ADGRB1: variants seen among roughly 807,000 people sequenced by gnomAD.
ADGRB1 encodes the protein adhesion G protein-coupled receptor B1, also known as brain-specific angiogenesis inhibitor 1.
Under a neutral mutation model 175.7 loss-of-function variants are expected in ADGRB1, and 36 were observed. That is an observed-to-expected ratio of 0.20 (90% confidence interval 0.16 to 0.27). ADGRB1 has a LOEUF of 0.27. ADGRB1 is among the 10% of genes least tolerant of loss of function. ADGRB1 has a pLI of 1.00. For missense variants in ADGRB1, 1,731 were observed against 2,255.3 expected, an observed-to-expected ratio of 0.77 and a Z score of 4.71; for synonymous variants, 1,054 against 979.4, an observed-to-expected ratio of 1.08 and a Z score of -1.42.
chr8:142,484,220 G>C (rs1281626536), intron 12 of ADGRB1, among the ~76,000 whole-genome samples, 175 bp downstream of exon 12: 1 of 152,242 alleles, frequency 6.6e-6, no homozygotes, highest in Non-Finnish European at 1.5e-5. Context: ...TTCCTAGCCT[G>C]TTTCCTCATT....
In ADGRB1 at chr8:142,510,426, C is replaced by T. The variant is rs1401609567; in HGVS notation, c.2676-506C>T. ...CAGCTCCAGCCGGCGCCCTGGGCCGCGGGGCCGGAGAGCTCCGGAGCGGAC... is the reference window on the plus strand; with the variant it reads ...CAGCTCCAGCCGGCGCCCTGGGCCGTGGGGCCGGAGAGCTCCGGAGCGGAC... On this transcript the variant is annotated intron_variant, in intron 17 of 30. Coordinates refer to ENST00000517894, the MANE Select transcript of ADGRB1 (RefSeq NM_001702.3). The surrounding 1 kb of genome is among the most constrained non-coding windows in gnomAD (Gnocchi z 6.3). Among the ~76,000 whole-genome samples the T allele has an allele frequency of 6.6e-6, 1 of 151,900 alleles. No individual in the cohort carries two copies. Among genetic ancestry groups the T allele is most frequent in the African/African-American group, 2.4e-5 (1 of 41,400 alleles).
At chr8:142,506,111 G>A (rs2132009998) in intron 17 of ADGRB1, among the ~76,000 whole-genome samples, 1 of 152,308 alleles carries the variant, frequency 6.6e-6, no homozygotes, top group South Asian at 2.1e-4. Flanking sequence ...GCACCTGGGC[G>A]ACCCCGAGGT....
Position 142,481,680 on chromosome 8 carries a change from C to A in ADGRB1, c.2099C>A (p.Ala700Glu). Residue 700 changes from alanine (A) to glutamate (E), a missense_variant, in exon 11 of 31, where the codon GCG becomes GAG. By Grantham distance (107) the Ala-to-Glu change is moderately radical. Coordinates refer to ENST00000517894, the MANE Select transcript of ADGRB1 (RefSeq NM_001702.3). ...LRNMTEIFRRAYYSPTPGDVQ... is the reference protein window; with the variant it reads ...LRNMTEIFRREYYSPTPGDVQ... ...AACATGACAGAGATTTTCCGGAGAGCGTACTACAGCCCCACCCCTGGGGAC... is the reference window on the plus strand; with the variant it reads ...AACATGACAGAGATTTTCCGGAGAGAGTACTACAGCCCCACCCCTGGGGAC... The A allele has an allele frequency of 6.3e-7, 1 of 1,596,832 alleles. No homozygotes were observed. The highest frequency in any genetic ancestry group is 8.6e-7 in the Non-Finnish European group (1 of 1,169,378).
Position 142,477,549 on chromosome 8 carries a change from G to A in ADGRB1, c.1387G>A (p.Gly463Ser). 6.2e-7 allele frequency: 1 copy of A among 1,610,832 alleles called. No individual in the cohort carries two copies. The highest frequency in any genetic ancestry group is 8.5e-7 in the Non-Finnish European group (1 of 1,178,032). The change falls in exon 6 of 31, where the codon GGC becomes AGC. Residue 463 changes from glycine to serine, a missense_variant and splice_region_variant. Gly to Ser is a moderately conservative substitution (Grantham distance 56, BLOSUM62 0). This residue lies in a region of ADGRB1 where 388 missense variants were observed against 630.9 expected (regional missense o/e 0.61). Transcript: ENST00000517894. ...TKFCNIALCPGRAVDGNWNEW... is the reference protein window; with the variant it reads ...TKFCNIALCPSRAVDGNWNEW... ...GTTCTGCAACATTGCCCTGTGCCCTGGTAGGTGAGAGGGAGGGCGTAGGGG... is the reference window on the plus strand; with the variant it reads ...GTTCTGCAACATTGCCCTGTGCCCTAGTAGGTGAGAGGGAGGGCGTAGGGG...
chr8:142,518,475 G>A (rs572658367), intron 19 of ADGRB1, among the ~76,000 whole-genome samples: 3 of 152,276 alleles, frequency 2.0e-5, no homozygotes, highest in Non-Finnish European at 2.9e-5. Flanking sequence ...AAACACAGGG[G>A]GTGGGGCCTG....
At chr8:142,477,056 C>G in intron 4 of ADGRB1, 58 bp from the exon 5 acceptor site, 3 of 1,453,970 alleles carry the variant, frequency 2.1e-6, no homozygotes, top group Non-Finnish European at 2.7e-6. Flanking sequence ...GGGTCTGGCC[C>G]CGGTCTGACT....
chr8:142,453,054 T>TCGCC (rs1383176658), intron 1 of ADGRB1, among the ~76,000 whole-genome samples: 10 of 120,422 alleles, frequency 8.3e-5, no homozygotes, highest in Admixed American at 7.2e-4. Flanking sequence ...GCTCGCTCGC[T>TCGCC]CGCTCGCCGT....
chr8:142,480,115 G>A (rs561441570), intron 9 of ADGRB1, among the ~76,000 whole-genome samples: 6 of 152,326 alleles, frequency 3.9e-5, no homozygotes, highest in East Asian at 1.9e-4. Context: ...GCCCTTGCCC[G>A]GGGCTTGCGG....
intron 24 of ADGRB1, among the ~76,000 whole-genome samples, chr8:142,529,202 ATGTG>A (rs541546406): frequency 1.3e-5 from 2 of 152,270 alleles, no homozygotes; most frequent in Middle Eastern, 3.4e-3. Flanking sequence ...AGGTGTGTGC[ATGTG>A]TGTGAGTGTG....
rs1480331548 is a variant in ADGRB1 at position 142,488,451 on chromosome 8, A to C, written c.2396A>C (p.Lys799Thr). 1 of 1,613,114 alleles carries C rather than the reference A, an allele frequency of 6.2e-7. No individual in the cohort carries two copies. The highest frequency in any genetic ancestry group is 8.5e-7 in the Non-Finnish European group (1 of 1,179,840). Reference protein sequence around the residue: ...KGWRATGDWAKVPEDRVTVSK... With the variant: ...KGWRATGDWATVPEDRVTVSK... ...TGGCGGGCCACGGGTGACTGGGCCA[A>C]GGTGCCAGAGGACAGGGTCACTGTG... Residue 799 changes from lysine to threonine, a missense_variant, in exon 14 of 31, where the codon AAG (lysine) becomes ACG (threonine). Lys to Thr is a moderately conservative substitution (Grantham distance 78, BLOSUM62 -1). Coordinates refer to ENST00000517894, the MANE Select transcript of ADGRB1 (RefSeq NM_001702.3).
At chr8:142,540,913 G>A (rs1484615791) in intron 27 of ADGRB1, among the ~76,000 whole-genome samples, 1 of 152,094 alleles carries the variant, frequency 6.6e-6, no homozygotes, top group East Asian at 1.9e-4. Flanking sequence ...GAGCTCTGAG[G>A]GGGACGGGGA....
chr8:142,494,214 T>G (rs189827235), intron 17 of ADGRB1, among the ~76,000 whole-genome samples: 2 of 151,768 alleles, frequency 1.3e-5, no homozygotes, highest in Admixed American at 6.6e-5. Context: ...TCAGACTGAG[T>G]TTTTACCCTG....
Position 142,537,749 on chromosome 8 carries a change from C to T in ADGRB1, c.3666+667C>T, listed in dbSNP as rs1845023081. 6.6e-6 allele frequency among the ~76,000 whole-genome samples: 1 copy of T among 152,184 alleles called. No individual in the cohort carries two copies. Among genetic ancestry groups the T allele is most frequent in the South Asian group, 2.1e-4 (1 of 4,836 alleles). ...CAGCACAGCGTTCCCACGACACGCA[C>T]AGGTCCTGGGAGGGCGGCCCAAGTG... On this transcript the variant is annotated intron_variant, in intron 26 of 30. Coordinates refer to ENST00000517894, the MANE Select transcript of ADGRB1 (RefSeq NM_001702.3). The surrounding 1 kb of genome is among the most constrained non-coding windows in gnomAD (Gnocchi z 4.6).
chr8:142,528,788 G>A (rs557995011), intron 24 of ADGRB1, among the ~76,000 whole-genome samples: 11 of 152,080 alleles, frequency 7.2e-5, no homozygotes, highest in East Asian at 1.9e-4. Flanking sequence ...CCGTCCCCCC[G>A]ATCCACTGCC....
Position 142,474,866 on chromosome 8 carries a change from C to A in ADGRB1, c.785-608C>A, listed in dbSNP as rs1840864179. Among the ~76,000 whole-genome samples, 1 of 152,150 alleles carries A rather than the reference C, an allele frequency of 6.6e-6. No individual in the cohort carries two copies. Among genetic ancestry groups the A allele is most frequent in the Non-Finnish European group, 1.5e-5 (1 of 68,008 alleles). ...GGTGGCCAGCTGGCCAGGTCCAGGGCAGGCTCCGTCAGGCTGTGCCCTGGG... is the reference window on the plus strand; with the variant it reads ...GGTGGCCAGCTGGCCAGGTCCAGGGAAGGCTCCGTCAGGCTGTGCCCTGGG... On this transcript the variant is annotated intron_variant, in intron 2 of 30. Coordinates refer to ENST00000517894, the MANE Select transcript of ADGRB1 (RefSeq NM_001702.3). The surrounding 1 kb of genome is among the most constrained non-coding windows in gnomAD (Gnocchi z 5.8).
intron 16 of ADGRB1, among the ~76,000 whole-genome samples, chr8:142,490,499 T>C (rs188976673): frequency 8.3e-4 from 127 of 152,326 alleles, no homozygotes; most frequent in African/African-American, 2.8e-3. Context: ...CAGCCATTGC[T>C]GCCCAGCCTG....
chr8:142,526,537 G>A lies in ADGRB1; in HGVS notation c.3313-5G>A. The A allele has an allele frequency of 3.1e-6, 2 of 635,052 alleles. No homozygotes were observed. Among genetic ancestry groups the A allele is most frequent in the South Asian group, 1.5e-5 (1 of 67,312 alleles). 39.3% of individuals were successfully genotyped at this position (635,052 alleles called of 1,614,324 possible). ...CCCACACCCCCACCACTCTCTGCCC[G>A]GCAGGTGAACATGGTCATTGGGATC... On this transcript the variant is annotated splice_region_variant and splice_polypyrimidine_tract_variant and intron_variant, in intron 23 of 30. Coordinates refer to ENST00000517894, the MANE Select transcript of ADGRB1 (RefSeq NM_001702.3).
chr8:142,529,352 G>A (rs576879419), intron 24 of ADGRB1, among the ~76,000 whole-genome samples: 1 of 152,284 alleles, frequency 6.6e-6, no homozygotes, highest in Admixed American at 6.5e-5. Context: ...GTGTGTGTGT[G>A]TGTGCCCATG....
intron 9 of ADGRB1, among the ~76,000 whole-genome samples, chr8:142,480,244 A>C (rs144607938): frequency 8.7e-4 from 132 of 152,296 alleles, no homozygotes; most frequent in African/African-American, 3.0e-3. Flanking sequence ...GAAGGAGTGC[A>C]GGTGCTTTAT....
Sources: allele counts gnomAD v4.1 joint callset (sites outside exome capture counted in the v4.1 genomes callset), GRCh38; gene constraint gnomAD v4.1.1; regional missense constraint gnomAD v4.1.1; non-coding constraint Gnocchi (gnomAD v3.1); transcripts MANE v1.5; gene names NCBI Gene and HGNC (gene_info 2026-07-23, HGNC 2026-07-21).